The following DAB1 variants were observed in gnomAD, a reference collection of about 807,000 sequenced individuals.
DAB1 encodes the protein disabled homolog 1.
In DAB1, 15 loss-of-function variants were observed where a neutral mutation model predicts 64.6. That is an observed-to-expected ratio of 0.23 (90% CI 0.16 to 0.36). DAB1 has a LOEUF of 0.36. DAB1 is among the 10% of genes least tolerant of loss of function. The pLI is 1.00. For synonymous variants in DAB1, 235 were observed against 251.9 expected (o/e 0.93, Z 0.64); for missense variants, 596 against 706.7 (o/e 0.84, Z 1.78).
rs189405227 is a variant in DAB1 at position 58,535,532 on chromosome 1, G to A, written n.33-8197C>T. On this transcript the variant is annotated intron_variant and non_coding_transcript_variant, in intron 1 of 20. Coordinates refer to the DAB1 transcript ENST00000485760. Reference sequence around the variant, plus strand: ...AATAATTTGAACCTGTAAGGTGGAGGTTGCAGTGAGCCAAGATGGCACCAC... The same window carrying A: ...AATAATTTGAACCTGTAAGGTGGAGATTGCAGTGAGCCAAGATGGCACCAC... 4.7e-5 allele frequency among the ~76,000 whole-genome samples: 7 copies of A among 150,078 alleles called. No individual in the cohort carries two copies. The East Asian group carries it at 1.4e-3, about 29-fold the overall frequency.
At chr1:57,027,395 C>G (rs1347292623) in intron 9 of DAB1, among the ~76,000 whole-genome samples, 1 of 152,214 alleles carries the variant, frequency 6.6e-6, no homozygotes, top group Non-Finnish European at 1.5e-5. Context: ...CCATCCAGCC[C>G]CTGCCTCTTT....
chr1:57,109,177 G>A (rs1179927124), intron 4 of DAB1, among the ~76,000 whole-genome samples: 1 of 152,142 alleles, frequency 6.6e-6, no homozygotes, highest in African/African-American at 2.4e-5. Flanking sequence ...GGAGAAGCAG[G>A]TACCCAGCAA....
At chr1:58,050,678 C>T (rs974677286) in intron 5 of DAB1, among the ~76,000 whole-genome samples, 10 of 152,178 alleles carry the variant, frequency 6.6e-5, no homozygotes, top group East Asian at 1.9e-4. Context: ...TACAGGTGCC[C>T]GCCACCTCGC....
chr1:57,679,641 ACACAAG>A (rs1415753634), intron 6 of DAB1, among the ~76,000 whole-genome samples: 1 of 152,258 alleles, frequency 6.6e-6, no homozygotes, highest in Non-Finnish European at 1.5e-5. Flanking sequence ...ATTAGGTTCA[ACACAAG>A]CACAAGCACA....
At chr1:57,911,982 T>A (rs1331169691) in intron 5 of DAB1, among the ~76,000 whole-genome samples, 1 of 152,194 alleles carries the variant, frequency 6.6e-6, no homozygotes, top group African/African-American at 2.4e-5. Context: ...AAATACCAAA[T>A]GTGGTTTGTC....
intron 4 of DAB1, among the ~76,000 whole-genome samples, chr1:58,267,487 C>T (rs1196017960): frequency 6.6e-6 from 1 of 152,118 alleles, no homozygotes; most frequent in African/African-American, 2.4e-5. Flanking sequence ...TGGAAGACAG[C>T]ATCTTTCAAA....
At chr1:58,518,656 G>GT (rs890299741) in intron 2 of DAB1, among the ~76,000 whole-genome samples, 9 of 151,098 alleles carry the variant, frequency 6.0e-5, no homozygotes, top group African/African-American at 9.7e-5. Flanking sequence ...GGACTCCAGG[G>GT]TTTTTTTTCC....
intron 4 of DAB1, among the ~76,000 whole-genome samples, chr1:58,283,582 T>G (rs1485706530): frequency 2.0e-5 from 3 of 152,234 alleles, no homozygotes; most frequent in Non-Finnish European, 4.4e-5. Context: ...CTCTGACACA[T>G]AAGTGACTGT....
At chr1:57,555,036 T>A (rs1427397972) in intron 7 of DAB1, among the ~76,000 whole-genome samples, 1 of 136,964 alleles carries the variant, frequency 7.3e-6, no homozygotes, top group East Asian at 2.2e-4. Flanking sequence ...TTTTTTTTTT[T>A]TTTTTTTTTT....
At chr1:57,436,424 TC>T (rs1411000332) in intron 7 of DAB1, among the ~76,000 whole-genome samples, 1 of 152,178 alleles carries the variant, frequency 6.6e-6, no homozygotes, top group African/African-American at 2.4e-5. Flanking sequence ...GCCTTAATTT[TC>T]AATTATTTCA....
intron 8 of DAB1, among the ~76,000 whole-genome samples, chr1:57,065,309 C>T (rs923664179): frequency 5.3e-5 from 8 of 152,238 alleles, no homozygotes; most frequent in African/African-American, 1.9e-4. Flanking sequence ...AATTGCTAAG[C>T]ACGTATTATG....
At position 57,277,147 on chromosome 1, in the gene DAB1, A is replaced by G. The variant is rs115854967; in HGVS notation, c.67+13817T>C. 9.2e-3 allele frequency among the ~76,000 whole-genome samples: 1,404 copies of G among 152,220 alleles called. 16 individuals are homozygous for G. The highest frequency in any genetic ancestry group is 0.032 in the African/African-American group (1,320 of 41,532). On this transcript the variant is annotated intron_variant, in intron 2 of 14. Coordinates refer to ENST00000371236, the MANE Select transcript of DAB1 (RefSeq NM_001365792.1). ...CTTCACACATGTACTCAGCAGTTTCATTTTCCACGATTTTGAACTCCAACC... is the reference window on the plus strand; with the variant it reads ...CTTCACACATGTACTCAGCAGTTTCGTTTTCCACGATTTTGAACTCCAACC...
intron 14 of DAB1, among the ~76,000 whole-genome samples, chr1:57,008,727 C>G (rs1646172125): frequency 6.6e-6 from 1 of 152,076 alleles, no homozygotes. Context: ...AAGCTGATTA[C>G]TCAGTGTCTG....
At chr1:57,008,203 C>T (rs1474578487) in intron 14 of DAB1, among the ~76,000 whole-genome samples, 1 of 152,184 alleles carries the variant, frequency 6.6e-6, no homozygotes, top group African/African-American at 2.4e-5. Flanking sequence ...CAAACCAGGG[C>T]CATTCTGATT....
At chr1:57,910,854 T>C (rs1183713445) in intron 5 of DAB1, among the ~76,000 whole-genome samples, 2 of 152,188 alleles carry the variant, frequency 1.3e-5, no homozygotes, top group African/African-American at 4.8e-5. Flanking sequence ...CCTCATTACT[T>C]AGGAGGTGTG....
chr1:58,097,955 G>A (rs908434420), intron 5 of DAB1, among the ~76,000 whole-genome samples: 2 of 152,020 alleles, frequency 1.3e-5, no homozygotes, highest in African/African-American at 4.8e-5. Flanking sequence ...GGATTCCCAC[G>A]GGCAGTTCCA....
Position 57,969,419 on chromosome 1 carries a change from C to T in DAB1, n.388-85257G>A, listed in dbSNP as rs564567401. ...GTGCAGTGGAGCCATCTTGGCTCAC[C>T]GCAACCTCCACCTCCCAGGTTTAAG... On this transcript the variant is annotated intron_variant and non_coding_transcript_variant, in intron 5 of 20. Coordinates refer to the DAB1 transcript ENST00000485760. Among the ~76,000 whole-genome samples, 24 of 152,128 alleles carry T rather than the reference C, an allele frequency of 1.6e-4. No individual in the cohort carries two copies. The South Asian group carries it at 3.1e-3, about 20-fold the overall frequency.
intron 3 of DAB1, among the ~76,000 whole-genome samples, chr1:58,368,352 C>G (rs1438479195): frequency 6.6e-6 from 1 of 152,096 alleles, no homozygotes; most frequent in Non-Finnish European, 1.5e-5. Flanking sequence ...AGCGTGGTAA[C>G]CGAGAGTTCT....
chr1:57,390,378 A>G (rs961977395), intron 1 of DAB1, among the ~76,000 whole-genome samples: 1 of 152,216 alleles, frequency 6.6e-6, no homozygotes, highest in Non-Finnish European at 1.5e-5. Flanking sequence ...CTAAGTATAA[A>G]TGAGATAATG....
Sources: allele counts gnomAD v4.1 joint callset (sites outside exome capture counted in the v4.1 genomes callset), GRCh38; gene constraint gnomAD v4.1.1; transcripts MANE v1.5; gene names NCBI Gene and HGNC (gene_info 2026-07-23, HGNC 2026-07-21).